Variants in TULP4 observed in about 807,000 individuals in gnomAD.
The protein encoded by TULP4 is tubby-related protein 4.
Under a neutral mutation model 129.0 loss-of-function variants are expected in TULP4, and 16 were observed. That is an observed-to-expected ratio of 0.12 (90% CI 0.08 to 0.19). TULP4 has a LOEUF of 0.19. TULP4 is among the 10% of genes least tolerant of loss of function. TULP4 has a pLI of 1.00. For missense variants in TULP4, 1,842 were observed against 2,059.1 expected, an observed-to-expected ratio of 0.89 and a Z score of 2.04; for synonymous variants, 998 against 854.0, an observed-to-expected ratio of 1.17 and a Z score of -2.94.
At chr6:158,490,874 G>A (rs143980044) in intron 9 of TULP4, among the ~76,000 whole-genome samples, 3 of 150,896 alleles carry the variant, frequency 2.0e-5, no homozygotes, top group East Asian at 1.9e-4. Flanking sequence ...TTATTGCTCC[G>A]TGGTATTCCA....
intron 2 of TULP4, chr6:158,428,253 C>G (rs1778547678): frequency 2.6e-5 from 4 of 152,214 alleles, no homozygotes; most frequent in Admixed American, 2.6e-4. Context: ...AACAAATCAT[C>G]TGTTTATACA....
chr6:158,385,172 T>C (rs1239921767), intron 1 of TULP4, among the ~76,000 whole-genome samples: 1 of 152,178 alleles, frequency 6.6e-6, no homozygotes, highest in Non-Finnish European at 1.5e-5. Context: ...TGGTCACCTA[T>C]TGGCTTTCTC....
chr6:158,442,309 T>C (rs1313358974), intron 3 of TULP4, among the ~76,000 whole-genome samples: 1 of 152,186 alleles, frequency 6.6e-6, no homozygotes. Flanking sequence ...CAGTGTGTTT[T>C]GAAGAGTTGT....
At chr6:158,457,225 T>C (rs891617943) in intron 5 of TULP4, among the ~76,000 whole-genome samples, 1 of 152,258 alleles carries the variant, frequency 6.6e-6, no homozygotes, top group East Asian at 1.9e-4. Context: ...CTAAAGAACT[T>C]TGGCAGCGAA....
chr6:158,312,756 A>C lies in TULP4; in HGVS notation c.-1261A>C, dbSNP rs933186588. 1 of 152,224 alleles carries C rather than the reference A, an allele frequency of 6.6e-6. No individual in the cohort carries two copies. Among genetic ancestry groups the C allele is most frequent in the African/African-American group, 2.4e-5 (1 of 41,460 alleles). 9.4% of individuals were successfully genotyped at this position (152,224 alleles called of 1,614,324 possible). A position where few individuals can be genotyped will look rare whatever the true frequency, so the allele number is the denominator to read the frequency against. Reference sequence around the variant, plus strand: ...ACCAATAATTATTAAATAAATATCAAGGAAAATCCAAGCAAAGCTTTCTTT... The same window carrying C: ...ACCAATAATTATTAAATAAATATCACGGAAAATCCAAGCAAAGCTTTCTTT... On this transcript the variant is annotated 5_prime_UTR_variant, in exon 1 of 14. Transcript: ENST00000367097.
chr6:158,466,865 G>C (rs548350697), intron 6 of TULP4, among the ~76,000 whole-genome samples: 214 of 121,550 alleles, frequency 1.8e-3, no homozygotes, highest in African/African-American at 7.8e-3. Flanking sequence ...CCTGCTCTTT[G>C]TGGGTATTTT....
intron 1 of TULP4, among the ~76,000 whole-genome samples, chr6:158,329,884 A>C (rs6455578): frequency 0.86 from 130,912 of 152,044 alleles, 56,790 homozygotes; most frequent in South Asian, 0.93. Context: ...GTAAACTGAA[A>C]TTTTCCCCTA....
intron 1 of TULP4, among the ~76,000 whole-genome samples, chr6:158,364,725 ATTTGTTT>A (rs1033709665): frequency 4.0e-5 from 6 of 151,638 alleles, no homozygotes; most frequent in African/African-American, 1.5e-4. Context: ...ATCTACCTAG[ATTTGTTT>A]TTTGTTTGTT....
intron 3 of TULP4, among the ~76,000 whole-genome samples, chr6:158,448,174 C>T (rs919283510): frequency 6.6e-6 from 1 of 152,170 alleles, no homozygotes; most frequent in East Asian, 1.9e-4. Context: ...TTCTTTAGCT[C>T]TGGCCATGTA....
At chr6:158,422,066 A>T (rs893481082) in intron 2 of TULP4, among the ~76,000 whole-genome samples, 1 of 152,228 alleles carries the variant, frequency 6.6e-6, no homozygotes, top group African/African-American at 2.4e-5. Context: ...TTATCTTAAA[A>T]TATTATTAAT....
At chr6:158,376,293 T>C (rs1379074322) in intron 1 of TULP4, among the ~76,000 whole-genome samples, 3 of 152,154 alleles carry the variant, frequency 2.0e-5, no homozygotes, top group Admixed American at 6.6e-5. Flanking sequence ...GAGGCCACAG[T>C]CGAATGGTGG....
upstream of TULP4, among the ~76,000 whole-genome samples, chr6:158,277,406 CTT>C (rs35975044): frequency 6.6e-6 from 1 of 152,182 alleles, no homozygotes; most frequent in Non-Finnish European, 1.5e-5. Flanking sequence ...GTTAAAATGA[CTT>C]TTACAGATTA....
chr6:158,437,564 A>G (rs1778779614), intron 3 of TULP4, among the ~76,000 whole-genome samples: 3 of 152,152 alleles, frequency 2.0e-5, no homozygotes. Flanking sequence ...GGTCTCAAAT[A>G]AAATAAAAAT....
chr6:158,461,096 T>C lies in TULP4; in HGVS notation c.860-467T>C, dbSNP rs619085. 7.8e-3 allele frequency among the ~76,000 whole-genome samples: 1,188 copies of C among 152,196 alleles called. 7 individuals are homozygous for C. The highest frequency in any genetic ancestry group is 0.012 in the Non-Finnish European group (827 of 67,992). ...TAGAATCCATCATCTTCAGAGAAAT[T>C]GGTTGTATTCATGAGCTAAAACATG... On this transcript the variant is annotated intron_variant, in intron 5 of 13. Transcript: ENST00000367097.
intron 5 of TULP4, among the ~76,000 whole-genome samples, chr6:158,455,539 C>A (rs964077135): frequency 1.3e-5 from 2 of 151,806 alleles, no homozygotes; most frequent in African/African-American, 4.8e-5. Flanking sequence ...GAGTTCGAGA[C>A]CAGCCTGGCC....
In TULP4 at chr6:158,502,234, A is replaced by G. The variant is rs1312294991; in HGVS notation, c.2571A>G (p.Pro857=). 17 of 334,302 alleles carry G rather than the reference A, an allele frequency of 5.1e-5. No homozygotes were observed. The highest frequency in any genetic ancestry group is 9.6e-5 in the African/African-American group (1 of 10,418). The allele number at this position is 334,302 out of a possible 1,614,324, so 20.7% of individuals were successfully genotyped here. ...TAAPPPPLPP[P]QPPVDVCLKK... Reference sequence around the variant, plus strand: ...CACCCCCGCCCCCTCTGCCGCCCCCACAGCCCCCAGTGGATGTGTGCTTGA... The same window carrying G: ...CACCCCCGCCCCCTCTGCCGCCCCCGCAGCCCCCAGTGGATGTGTGCTTGA... The change falls in exon 13 of 14, where the codon CCA becomes CCG. Residue 857 remains proline (P), a synonymous_variant. Transcript: ENST00000367097.
rs75039058 is a variant in TULP4, at chr6:158,302,852, T to C, written n.117-9199T>C. 8.9e-3 allele frequency among the ~76,000 whole-genome samples: 1,358 copies of C among 151,918 alleles called. 15 individuals are homozygous for C. The highest frequency in any genetic ancestry group is 0.03 in the African/African-American group (1,249 of 41,400). On this transcript the variant is annotated intron_variant and non_coding_transcript_variant, in intron 1 of 1. Coordinates refer to the TULP4 transcript ENST00000432358. Reference sequence around the variant, plus strand: ...TGTCAGCAAATCTCTACCCCAAATATTAGTGGAGATTGGCATGATATAAGG... The same window carrying C: ...TGTCAGCAAATCTCTACCCCAAATACTAGTGGAGATTGGCATGATATAAGG...
chr6:158,261,113 G>A (rs4710158), intron 1 of TULP4, among the ~76,000 whole-genome samples: 3 of 151,868 alleles, frequency 2.0e-5, no homozygotes, highest in African/African-American at 4.8e-5. Context: ...GCCACTGTGC[G>A]CGGCTGAAAA....
rs200613954 is a variant in TULP4 at position 158,504,033 on chromosome 6, G to A, written c.4370G>A (p.Arg1457Gln). 1.2e-4 allele frequency: 191 copies of A among 1,610,634 alleles called. No homozygotes were observed. The highest frequency in any genetic ancestry group is 6.7e-5 in the Admixed American group (4 of 59,392). The change falls in exon 13 of 14, where the codon CGG becomes CAG. Residue 1457 changes from arginine (R) to glutamine (Q), a missense_variant. Arg to Gln is a conservative substitution (Grantham distance 43, BLOSUM62 1). This residue lies in a region of TULP4 where 1,089 missense variants were observed against 987.1 expected (regional missense o/e 1.10). Coordinates refer to ENST00000367097, the MANE Select transcript of TULP4 (RefSeq NM_020245.5). ...CRRASEKEDG[R>Q]LGSQGFVYVM... ...CGGGCCAGTGAGAAGGAGGACGGGCGGCTGGGCAGCCAAGGCTTCGTGTAC... is the reference window on the plus strand; with the variant it reads ...CGGGCCAGTGAGAAGGAGGACGGGCAGCTGGGCAGCCAAGGCTTCGTGTAC...
Sources: gnomAD v4.1 joint callset for allele counts (sites outside exome capture counted in the v4.1 genomes callset) on GRCh38, gnomAD v4.1.1 for gene constraint, gnomAD v4.1.1 regional missense constraint, MANE v1.5 for transcripts, NCBI Gene and HGNC (gene_info 2026-07-23, HGNC 2026-07-21) for gene names.